The following TOMT variants were observed in gnomAD, a reference collection of about 807,000 sequenced individuals.
TOMT encodes the protein transmembrane O-methyltransferase.
In TOMT, 23 loss-of-function variants were observed where a neutral mutation model predicts 21.7. That is an observed-to-expected ratio of 1.06 (90% CI 0.76 to 1.50). The LOEUF is 1.50. TOMT is among the 40% of genes most tolerant of loss of function. The pLI is 0.00. For synonymous variants in TOMT, 132 were observed against 150.8 expected (o/e 0.88, Z 0.91); for missense variants, 331 against 348.7 (o/e 0.95, Z 0.41).
chr11:72,106,235 C>A, intron 1 of TOMT, 25 bp downstream of exon 1: 1 of 1,451,376 alleles, frequency 6.9e-7, no homozygotes, highest in South Asian at 1.4e-5. Context: ...GCCTTCTGCT[C>A]CAAGAAGTAC....
exon 2 of TOMT, chr11:72,108,119 G>A: frequency 6.7e-7 from 1 of 1,499,084 alleles, no homozygotes; most frequent in Non-Finnish European, 8.9e-7. Flanking sequence ...ATGAGCACAT[G>A]GTCAGCCTCC....
chr11:72,109,406 G>A, downstream of TOMT: 1 of 457,564 alleles, frequency 2.2e-6, no homozygotes, highest in South Asian at 1.6e-5. Flanking sequence ...GATGCAAGCT[G>A]GGCCAGAGAA....
rs779971909 is a variant in TOMT, at chr11:72,108,767, G to A, written c.619G>A (p.Val207Met). Residue 207 changes from valine (V) to methionine (M), a missense_variant, in exon 3 of 3, where the codon GTG (valine) becomes ATG (methionine). Coordinates refer to ENST00000541899, the Ensembl canonical transcript of TOMT. ...TGCCCTACTGCCAGCAGGTGCCACC[G>A]TGCTGGCTGACCATGTGCTCTTCCC... is the stretch of plus-strand genomic sequence containing the variant. 42 of 1,550,350 alleles carry A rather than the reference G, an allele frequency of 2.7e-5. No homozygotes were observed. The highest frequency in any genetic ancestry group is 1.8e-4 in the South Asian group (15 of 84,062).
chr11:72,107,496 C>A, intron 1 of TOMT: 2 of 702,766 alleles, frequency 2.8e-6, no homozygotes, highest in East Asian at 5.4e-5. Context: ...CAAAGCCAGC[C>A]ACATATACAC....
At chr11:72,108,328 G>A (rs1443824920) in intron 2 of TOMT, among the ~76,000 whole-genome samples, 1 of 152,224 alleles carries the variant, frequency 6.6e-6, no homozygotes, top group Non-Finnish European at 1.5e-5. Context: ...TAAGAGGAAG[G>A]TCTCTGGAAC....
At chr11:72,108,566 T>G in intron 2 of TOMT, 39 bp from the exon 3 acceptor site, 2 of 1,425,738 alleles carry the variant, frequency 1.4e-6, no homozygotes, top group South Asian at 3.1e-5. Context: ...GGAGAACAAT[T>G]CCCCCCACCC....
At chr11:72,106,350 A>G in intron 1 of TOMT, 140 bp downstream of exon 1, 1 of 929,750 alleles carries the variant, frequency 1.1e-6, no homozygotes, top group East Asian at 2.8e-5. Context: ...TCATCTGGAA[A>G]TGAGGAGCTT....
chr11:72,108,491 C>A, intron 2 of TOMT, 114 bp from the exon 3 acceptor site: 2 of 860,886 alleles, frequency 2.3e-6, no homozygotes, highest in Non-Finnish European at 3.4e-6. Flanking sequence ...AATGTGAGAA[C>A]ACTCATGGGA....
At chr11:72,109,404 C>G (rs1030197679), downstream of TOMT, 2 of 458,178 alleles carry the variant, frequency 4.4e-6, no homozygotes, top group African/African-American at 4.0e-5. Context: ...TGGATGCAAG[C>G]TGGGCCAGAG....
downstream of TOMT, chr11:72,109,545 G>A (rs1207548348): frequency 9.2e-6 from 4 of 432,792 alleles, no homozygotes; most frequent in Non-Finnish European, 1.7e-5. Flanking sequence ...GAAGATGCTG[G>A]ACTCCTCTGG....
In TOMT at chr11:72,106,270, G is replaced by T; in HGVS notation, c.259+60G>T. 3 of 1,388,810 alleles carry T rather than the reference G, an allele frequency of 2.2e-6. No homozygotes were observed. In the South Asian group the frequency reaches 5.2e-5, roughly 24 times the overall value. 86.0% of individuals were successfully genotyped at this position (1,388,810 alleles called of 1,614,324 possible). On this transcript the variant is annotated intron_variant, in intron 1 of 2. Transcript: ENST00000541899. ...CCCCCAAGACAGTGAAGGAATATTT[G>T]GGATCTGTTGCTGCTTAACTGGATG...
intron 2 of TOMT, 31 bp from the exon 3 acceptor site, chr11:72,108,574 C>T: frequency 7.0e-7 from 1 of 1,437,016 alleles, no homozygotes; most frequent in Admixed American, 2.8e-5. Context: ...ATTCCCCCCA[C>T]CCTCACCTCC....
chr11:72,108,228 G>A, intron 2 of TOMT, 109 bp downstream of exon 2: 1 of 965,896 alleles, frequency 1.0e-6, no homozygotes, highest in South Asian at 2.1e-5. Context: ...TCCACTCTGG[G>A]GACTGTGATG....
exon 2 of TOMT, chr11:72,107,977 T>G (rs1472049145): frequency 1.3e-6 from 2 of 1,551,618 alleles, no homozygotes; most frequent in African/African-American, 2.7e-5. Flanking sequence ...GTGCTGGAAT[T>G]GGGAACCTAC....
chr11:72,106,090 G>T lies in TOMT; in HGVS notation c.139G>T (p.Glu47Ter). 6.5e-7 allele frequency: 1 copy of T among 1,549,680 alleles called. No homozygotes were observed. The change falls in exon 1 of 3, where the codon GAG becomes TAG. Residue 47 changes from glutamate (E) to a stop codon, truncating the protein, a stop_gained. Coordinates refer to ENST00000541899, the Ensembl canonical transcript of TOMT. LOFTEE classifies it high-confidence loss of function. ...CTGCCTGTCAGGGCTGCGGATCGAG[G>T]AGCGGGCCTTCAGCTACGTGCTCAC...
intron 1 of TOMT, 148 bp downstream of exon 1, chr11:72,106,358 C>T (rs1945693545): frequency 2.4e-6 from 2 of 841,204 alleles, no homozygotes; most frequent in Admixed American, 6.7e-5. Context: ...AAATGAGGAG[C>T]TTGGACTAAG....
At chr11:72,108,813 A>G (rs1435839400) in exon 3 of TOMT, 2 of 1,550,552 alleles carry the variant, frequency 1.3e-6, no homozygotes, top group Non-Finnish European at 1.7e-6. Flanking sequence ...CGCTTCTTGC[A>G]GTATGCTAAG....
At chr11:72,107,988 T>A (rs1458835908) in exon 2 of TOMT, 5 of 1,551,650 alleles carry the variant, frequency 3.2e-6, no homozygotes, top group Non-Finnish European at 4.4e-6. Context: ...GGGAACCTAC[T>A]GTGGATACTC....
At chr11:72,107,023 T>C (rs1945756652) in intron 1 of TOMT, 2 of 177,048 alleles carry the variant, frequency 1.1e-5, no homozygotes, top group Non-Finnish European at 2.4e-5. Context: ...CCCAGCACTT[T>C]GGGAGGCCAA....
Sources: allele counts gnomAD v4.1 joint callset (sites outside exome capture counted in the v4.1 genomes callset), GRCh38; gene constraint gnomAD v4.1.1; transcripts MANE v1.5; gene names NCBI Gene and HGNC (gene_info 2026-07-23, HGNC 2026-07-21).